ZSCAN30: variants seen among roughly 807,000 people sequenced by gnomAD.
ZSCAN30 encodes the protein zinc finger and SCAN domain containing 30.
ZSCAN30 carries 37 observed loss-of-function variants against 44.3 expected under a neutral mutation model. The ratio of observed to expected loss-of-function variants is 0.84; its 90% CI spans 0.64 to 1.10. ZSCAN30 has a LOEUF of 1.10. Ranked by LOEUF, ZSCAN30 falls within the 50% of genes least tolerant of loss-of-function variation. The pLI, the probability that ZSCAN30 is intolerant of heterozygous loss-of-function variation, is 0.00. For missense variants in ZSCAN30, 549 were observed against 582.6 expected (o/e 0.94, Z 0.59); for synonymous variants, 181 against 204.6 (o/e 0.88, Z 0.98).
chr18:35,276,864 A>G (rs1375571585), intron 1 of ZSCAN30, among the ~76,000 whole-genome samples: 1 of 152,158 alleles, frequency 6.6e-6, no homozygotes, highest in African/African-American at 2.4e-5. Context: ...AGAATGTTAG[A>G]TCCACTGAAA....
At chr18:35,288,074 C>T (rs1030991698) in intron 1 of ZSCAN30, among the ~76,000 whole-genome samples, 7 of 151,804 alleles carry the variant, frequency 4.6e-5, no homozygotes, top group East Asian at 1.9e-4. Flanking sequence ...GGTGTCACCG[C>T]GTTGCCCAGG....
intron 2 of ZSCAN30, 142 bp from the exon 3 acceptor site, chr18:35,263,799 G>A: frequency 7.3e-7 from 1 of 1,379,042 alleles, no homozygotes; most frequent in Non-Finnish European, 9.9e-7. Flanking sequence ...GAGCCCTAGT[G>A]ACTTGAACCC....
At chr18:35,271,196 C>G (rs146428082) in intron 1 of ZSCAN30, among the ~76,000 whole-genome samples, 11 of 152,292 alleles carry the variant, frequency 7.2e-5, no homozygotes, top group Non-Finnish European at 1.2e-4. Context: ...CTGGGGCAGC[C>G]GGCTTTTATT....
At chr18:35,272,906 GT>G (rs1312393676) in intron 1 of ZSCAN30, among the ~76,000 whole-genome samples, 2 of 152,146 alleles carry the variant, frequency 1.3e-5, no homozygotes, top group Non-Finnish European at 2.9e-5. Flanking sequence ...AGCAAAATGG[GT>G]TTCCCCTTAT....
chr18:35,264,479 T>C (rs1461889690), intron 1 of ZSCAN30, 24 bp from the exon 2 acceptor site: 1 of 941,384 alleles, frequency 1.1e-6, no homozygotes, highest in African/African-American at 1.7e-5. Context: ...ATGCTCATGT[T>C]ACACAGGGAA....
At chr18:35,274,254 G>C (rs2044333111) in intron 1 of ZSCAN30, among the ~76,000 whole-genome samples, 1 of 151,922 alleles carries the variant, frequency 6.6e-6, no homozygotes, top group South Asian at 2.1e-4. Context: ...AGCCAGGATG[G>C]TCTCGATCTC....
At chr18:35,268,139 G>A (rs1398695555) in intron 1 of ZSCAN30, 2 of 152,342 alleles carry the variant, frequency 1.3e-5, no homozygotes, top group Non-Finnish European at 2.9e-5. Context: ...AGCGGGGCGG[G>A]GTTCAGGGCA....
At chr18:35,276,642 T>C (rs957120493) in intron 1 of ZSCAN30, among the ~76,000 whole-genome samples, 12 of 152,240 alleles carry the variant, frequency 7.9e-5, no homozygotes, top group Non-Finnish European at 1.3e-4. Context: ...AAGTTAAGAA[T>C]TGAGGTTTGG....
intron 3 of ZSCAN30, among the ~76,000 whole-genome samples, chr18:35,256,708 C>A (rs1007568335): frequency 6.6e-6 from 1 of 152,084 alleles, no homozygotes; most frequent in Non-Finnish European, 1.5e-5. Context: ...ATAAGAGGCT[C>A]TTTGGAGGAG....
At position 35,253,165 on chromosome 18, in the gene ZSCAN30, CAG is replaced by C. The variant is rs1190818539; in HGVS notation, c.*283_*284del. ...CCAATGGAAATTATATCTGAGTTGG[CAG>C]AGAGTGGAGTGAAGGGGATATTGAT... On this transcript the variant is annotated 3_prime_UTR_variant, in exon 4 of 4. Transcript: ENST00000333206. 2 of 259,496 alleles carry C rather than the reference CAG, an allele frequency of 7.7e-6. No individual in the cohort carries two copies. The highest frequency in any genetic ancestry group is 4.8e-5 in the Admixed American group (1 of 20,982). 16.1% of individuals were successfully genotyped at this position (259,496 alleles called of 1,614,324 possible). A position where few individuals can be genotyped will look rare whatever the true frequency, so the allele number is the denominator to read the frequency against.
chr18:35,264,413 C>A lies in ZSCAN30; in HGVS notation c.-61G>T, dbSNP rs1370604700. The A allele has an allele frequency of 2.0e-6, 3 of 1,533,176 alleles. No homozygotes were observed. Among genetic ancestry groups the A allele is most frequent in the Non-Finnish European group, 2.6e-6 (3 of 1,135,996 alleles). The allele number at this position is 1,533,176 out of a possible 1,614,324, so 95.0% of individuals were successfully genotyped here. On this transcript the variant is annotated 5_prime_UTR_variant, in exon 2 of 4. Coordinates refer to ENST00000333206, the MANE Select transcript of ZSCAN30 (RefSeq NM_001112734.4). ...GAGGCAGGGAGGAGATGGAGATTTG[C>A]GTCTGAGAGATTCCTTCTGAATTCC...
intron 1 of ZSCAN30, chr18:35,269,371 G>A (rs1476795432): frequency 6.6e-6 from 1 of 151,294 alleles, no homozygotes; most frequent in Non-Finnish European, 1.5e-5. Context: ...AACAATACCT[G>A]TAGCATAGAA....
chr18:35,272,156 G>A (rs1422819372), intron 1 of ZSCAN30, among the ~76,000 whole-genome samples: 1 of 152,212 alleles, frequency 6.6e-6, no homozygotes, highest in Non-Finnish European at 1.5e-5. Flanking sequence ...GCGAGCGAGG[G>A]CTGCTAGCCC....
Position 35,251,618 on chromosome 18 carries a change from C to T in ZSCAN30, c.*1832G>A, listed in dbSNP as rs2043598461. 1 of 152,050 alleles carries T rather than the reference C, an allele frequency of 6.6e-6. No individual in the cohort carries two copies. Among genetic ancestry groups the T allele is most frequent in the African/African-American group, 2.4e-5 (1 of 41,386 alleles). The allele number at this position is 152,050 out of a possible 1,614,324, so 9.4% of individuals were successfully genotyped here. A position where few individuals can be genotyped will look rare whatever the true frequency, so the allele number is the denominator to read the frequency against. On this transcript the variant is annotated 3_prime_UTR_variant, in exon 4 of 4. Coordinates refer to ENST00000333206, the MANE Select transcript of ZSCAN30 (RefSeq NM_001112734.4). The stretch of plus-strand genomic sequence containing the variant: ...TTAGATCATGGGAGCAGATTTCCCC[C>T]TTGTTCTCATGATAGTGAATTCTCA...
In ZSCAN30 at chr18:35,254,305, TATC is replaced by T; in HGVS notation, c.627_629del (p.Met209del). On this transcript the variant is annotated inframe_deletion, in exon 4 of 4. Transcript: ENST00000333206. ...TTTCTCCAGGAAGTTTTCCCGGCGATATCATAGCTGCTGAGGCTACACATTCAA... is the reference window on the plus strand; with the variant it reads ...TTTCTCCAGGAAGTTTTCCCGGCGATATAGCTGCTGAGGCTACACATTCAA... 6.2e-7 allele frequency: 1 copy of T among 1,614,158 alleles called. No individual in the cohort carries two copies. The highest frequency in any genetic ancestry group is 1.1e-5 in the South Asian group (1 of 91,090).
chr18:35,262,916 T>A (rs2044056461), intron 3 of ZSCAN30: 1 of 159,380 alleles, frequency 6.3e-6, no homozygotes, highest in Non-Finnish European at 1.4e-5. Flanking sequence ...TTCTTTTGAG[T>A]TTCACTTTTT....
intron 3 of ZSCAN30, chr18:35,258,596 G>A (rs1178521895): frequency 6.5e-6 from 1 of 152,828 alleles, no homozygotes. Flanking sequence ...AGGAGGCTGG[G>A]CACGGTGGCT....
chr18:35,257,616 G>A, intron 3 of ZSCAN30: 1 of 374,112 alleles, frequency 2.7e-6, no homozygotes, highest in South Asian at 4.3e-5. Context: ...GTAAATCCGT[G>A]TTGTTTACAA....
chr18:35,278,777 A>G (rs2044407835), intron 1 of ZSCAN30, among the ~76,000 whole-genome samples: 1 of 152,238 alleles, frequency 6.6e-6, no homozygotes, highest in Admixed American at 6.5e-5. Context: ...CTAAATACTC[A>G]GGTTCATTAG....
Sources: allele counts gnomAD v4.1 joint callset (sites outside exome capture counted in the v4.1 genomes callset), GRCh38; gene constraint gnomAD v4.1.1; transcripts MANE v1.5; gene names NCBI Gene and HGNC (gene_info 2026-07-23, HGNC 2026-07-21).